The following LIMK2 variants were observed in gnomAD, a reference collection of about 807,000 sequenced individuals.
LIMK2 encodes LIM domain kinase 2.
Under a neutral mutation model 75.7 loss-of-function variants are expected in LIMK2, and 35 were observed. That is an observed-to-expected ratio of 0.46 (90% CI 0.35 to 0.61). The LOEUF is 0.61. Ranked by LOEUF, LIMK2 falls within the 20% of genes least tolerant of loss-of-function variation. The pLI is 0.00. For missense variants in LIMK2, 623 were observed against 831.0 expected, an observed-to-expected ratio of 0.75 and a Z score of 3.08; for synonymous variants, 301 against 319.2, an observed-to-expected ratio of 0.94 and a Z score of 0.61.
At chr22:31,259,658 GCCA>G (rs1449416600) in intron 4 of LIMK2, among the ~76,000 whole-genome samples, 18 of 152,212 alleles carry the variant, frequency 1.2e-4, no homozygotes, top group Non-Finnish European at 2.2e-4. Flanking sequence ...CCCAACCCAG[GCCA>G]GTGTTTTTCC....
intron 1 of LIMK2, among the ~76,000 whole-genome samples, chr22:31,214,428 A>G (rs2048373266): frequency 1.3e-5 from 2 of 152,182 alleles, no homozygotes; most frequent in South Asian, 4.1e-4. Flanking sequence ...TAAACAATTG[A>G]GATAAGTGCT....
chr22:31,275,699 CTGTT>C (rs2049006661), intron 15 of LIMK2: 2 of 168,274 alleles, frequency 1.2e-5, no homozygotes, highest in Admixed American at 1.2e-4. Flanking sequence ...TCCAGTCTTC[CTGTT>C]TATCATTTTT....
chr22:31,243,821 AG>A (rs1218146261), intron 2 of LIMK2, among the ~76,000 whole-genome samples: 2 of 152,216 alleles, frequency 1.3e-5, no homozygotes, highest in African/African-American at 2.4e-5. Flanking sequence ...TATATCCTCC[AG>A]TGTGACATTT....
At chr22:31,257,880 A>G (rs1301043351) in intron 2 of LIMK2, among the ~76,000 whole-genome samples, 1 of 152,238 alleles carries the variant, frequency 6.6e-6, no homozygotes, top group Non-Finnish European at 1.5e-5. Flanking sequence ...TCATTGAAGT[A>G]TCTGTCAAGA....
rs749042041 is a variant in LIMK2, at chr22:31,279,490, A to T, written c.*1049A>T. On this transcript the variant is annotated 3_prime_UTR_variant, in exon 16 of 16. Transcript: ENST00000331728. Reference sequence around the variant, plus strand: ...GGGAAGAGGTGGTGGCAGAGTCTCAAAGCTGAGATGCTGAGAGAGATAGCT... The same window carrying T: ...GGGAAGAGGTGGTGGCAGAGTCTCATAGCTGAGATGCTGAGAGAGATAGCT... 4 of 152,202 alleles carry T rather than the reference A, an allele frequency of 2.6e-5. No individual in the cohort carries two copies. The highest frequency in any genetic ancestry group is 5.9e-5 in the Non-Finnish European group (4 of 68,064). 9.4% of individuals were successfully genotyped at this position (152,202 alleles called of 1,614,324 possible).
intron 1 of LIMK2, among the ~76,000 whole-genome samples, chr22:31,214,435 T>G (rs1015912484): frequency 1.3e-5 from 2 of 152,110 alleles, no homozygotes; most frequent in African/African-American, 4.8e-5. Flanking sequence ...TTGAGATAAG[T>G]GCTGTAAGAG....
intron 2 of LIMK2, among the ~76,000 whole-genome samples, chr22:31,256,255 C>T (rs934713171): frequency 6.7e-6 from 1 of 149,608 alleles, no homozygotes; most frequent in African/African-American, 2.5e-5. Flanking sequence ...CCTCAGCCTC[C>T]CAAAGTGCTG....
chr22:31,258,158 G>A, intron 2 of LIMK2, 133 bp from the exon 3 acceptor site: 1 of 900,274 alleles, frequency 1.1e-6, no homozygotes, highest in Non-Finnish European at 1.7e-6. Flanking sequence ...GCACAAGGCT[G>A]TAACTTTGCC....
intron 2 of LIMK2, among the ~76,000 whole-genome samples, chr22:31,244,205 G>A (rs2048646952): frequency 6.6e-6 from 1 of 152,212 alleles, no homozygotes; most frequent in Non-Finnish European, 1.5e-5. Context: ...GAACAGCAGA[G>A]CTGTGTGAAA....
chr22:31,221,317 C>T (rs1055394449), intron 1 of LIMK2, among the ~76,000 whole-genome samples: 1 of 150,832 alleles, frequency 6.6e-6, no homozygotes, highest in African/African-American at 2.4e-5. Flanking sequence ...TCCCCCCTCT[C>T]CAGTGTTAGC....
intron 14 of LIMK2, 45 bp from the exon 15 acceptor site, chr22:31,275,106 T>A: frequency 6.3e-7 from 1 of 1,593,988 alleles, no homozygotes; most frequent in Non-Finnish European, 8.6e-7. Flanking sequence ...CAAGTATCTG[T>A]GGCCTCTGTA....
At chr22:31,258,226 G>A (rs1468884441) in intron 2 of LIMK2, 65 bp from the exon 3 acceptor site, 46 of 1,511,068 alleles carry the variant, frequency 3.0e-5, no homozygotes, top group Non-Finnish European at 3.9e-5. Context: ...CTAGGAACCA[G>A]GGACAGCTTA....
chr22:31,270,971 T>C (rs1024916433), intron 11 of LIMK2, among the ~76,000 whole-genome samples, 165 bp from the exon 12 acceptor site: 18 of 152,144 alleles, frequency 1.2e-4, no homozygotes, highest in African/African-American at 4.3e-4. Flanking sequence ...CTGTTGGTAT[T>C]GGGACAAGGG....
intron 1 of LIMK2, 51 bp from the exon 2 acceptor site, chr22:31,225,669 C>A (rs772030298): frequency 2.2e-6 from 3 of 1,357,136 alleles, no homozygotes; most frequent in African/African-American, 1.4e-5. Flanking sequence ...GAATCCTGTC[C>A]CTTTGCCTCC....
intron 2 of LIMK2, among the ~76,000 whole-genome samples, chr22:31,244,227 G>C (rs990264716): frequency 6.6e-6 from 1 of 152,226 alleles, no homozygotes; most frequent in Non-Finnish European, 1.5e-5. Context: ...GTCAAGAGGA[G>C]TTATGCTCAT....
chr22:31,277,006 G>A (rs753302957), intron 15 of LIMK2: 5 of 1,613,938 alleles, frequency 3.1e-6, no homozygotes, highest in Non-Finnish European at 3.4e-6. Context: ...CCTGGACATG[G>A]AGAGTGACGA....
rs1340973058 is a variant in LIMK2, at chr22:31,279,678, A to T, written c.*1237A>T. ...CATCACAACTAGATTTGCCTCTTCT[A>T]AGTGTCTATGAGCTTGCACCATATT... On this transcript the variant is annotated 3_prime_UTR_variant, in exon 16 of 16. Transcript: ENST00000331728. The T allele has an allele frequency of 1.3e-5, 2 of 152,200 alleles. No individual in the cohort carries two copies. The highest frequency in any genetic ancestry group is 6.5e-5 in the Admixed American group (1 of 15,276). The allele number at this position is 152,200 out of a possible 1,614,324, so 9.4% of individuals were successfully genotyped here. A position where few individuals can be genotyped will look rare whatever the true frequency, so the allele number is the denominator to read the frequency against.
chr22:31,226,641 G>A lies in LIMK2; in HGVS notation c.116+822G>A, dbSNP rs934223623. On this transcript the variant is annotated intron_variant, in intron 2 of 15. Coordinates refer to ENST00000331728, the MANE Select transcript of LIMK2 (RefSeq NM_005569.4). ...GTTATTATTATTGAGACAGAGTCTCGCTCTGTCGCCCAGGCTGGTGTACAG... is the reference window on the plus strand; with the variant it reads ...GTTATTATTATTGAGACAGAGTCTCACTCTGTCGCCCAGGCTGGTGTACAG... Among the ~76,000 whole-genome samples, 7 of 131,238 alleles carry A rather than the reference G, an allele frequency of 5.3e-5. No individual in the cohort carries two copies. The South Asian group carries it at 7.4e-4, about 14-fold the overall frequency. The allele number at this position is 131,238 out of a possible 152,430, so 86.1% of individuals were successfully genotyped here.
intron 11 of LIMK2, 36 bp downstream of exon 11, chr22:31,268,236 A>G: frequency 6.4e-7 from 1 of 1,564,368 alleles, no homozygotes; most frequent in Non-Finnish European, 8.8e-7. Flanking sequence ...GCAGGGCGAG[A>G]GTAGGGAGAG....
Sources: gnomAD v4.1 joint callset for allele counts (sites outside exome capture counted in the v4.1 genomes callset) on GRCh38, gnomAD v4.1.1 for gene constraint, MANE v1.5 for transcripts, NCBI Gene and HGNC (gene_info 2026-07-23, HGNC 2026-07-21) for gene names.